ABTB2: variants seen among roughly 807,000 people sequenced by gnomAD.
ABTB2 encodes the protein ankyrin repeat and BTB/POZ domain-containing protein 2.
In ABTB2, 56 loss-of-function variants were observed where a neutral mutation model predicts 104.1. The observed-to-expected ratio is 0.54, with a 90% CI of 0.43 to 0.67. The LOEUF is 0.67. Ranked by LOEUF, ABTB2 falls within the 30% of genes least tolerant of loss-of-function variation. The pLI is 0.00. For synonymous variants in ABTB2, 606 were observed against 608.2 expected (o/e 1.00, Z 0.05); for missense variants, 1,279 against 1,407.7 (o/e 0.91, Z 1.46).
At chr11:34,331,846 G>T (rs1279751828) in intron 1 of ABTB2, among the ~76,000 whole-genome samples, 1 of 152,230 alleles carries the variant, frequency 6.6e-6, no homozygotes, top group Non-Finnish European at 1.5e-5. Flanking sequence ...TAGCAAAAGT[G>T]TTAAGTAGTT....
rs1348955710 is a variant in ABTB2 at position 34,204,562 on chromosome 11, C to T, written c.1012G>A (p.Gly338Ser). Residue 338 changes from glycine (G) to serine (S), a missense_variant, in exon 2 of 17, where the codon GGC becomes AGC. By Grantham distance (56) the Gly-to-Ser change is moderately conservative. Transcript: ENST00000435224. ...CACTTACTCAGCTCCGAGATGCTGC[C>T]CACGCAGGTGGCCAGGAGGGACTGC... ...LEQSLLATCV[G>S]SISELSDLVS... is the part of the protein sequence containing the mutation. 1 of 1,611,882 alleles carries T rather than the reference C, an allele frequency of 6.2e-7. No homozygotes were observed. Among genetic ancestry groups the T allele is most frequent in the African/African-American group, 1.3e-5 (1 of 74,894 alleles).
chr11:34,216,387 T>G (rs1378944568), intron 1 of ABTB2, among the ~76,000 whole-genome samples: 1 of 152,220 alleles, frequency 6.6e-6, no homozygotes, highest in Non-Finnish European at 1.5e-5. Flanking sequence ...AGTTTTGCCT[T>G]TTTAAGAATG....
At chr11:34,305,965 CTTAATA>C (rs1396777750) in intron 1 of ABTB2, among the ~76,000 whole-genome samples, 18 of 152,154 alleles carry the variant, frequency 1.2e-4, no homozygotes, top group African/African-American at 2.7e-4. Context: ...TATATTCACT[CTTAATA>C]TTAAGAGTCA....
chr11:34,272,216 C>T (rs945015969), intron 1 of ABTB2, among the ~76,000 whole-genome samples: 2 of 142,168 alleles, frequency 1.4e-5, no homozygotes, highest in East Asian at 2.1e-4. Flanking sequence ...GCTTGGCATA[C>T]AATAAGAATT....
chr11:34,177,457 G>A (rs1178506782), intron 3 of ABTB2, among the ~76,000 whole-genome samples: 2 of 152,300 alleles, frequency 1.3e-5, no homozygotes, highest in African/African-American at 4.8e-5. Flanking sequence ...TTATCATTAA[G>A]ATATGCTGCA....
intron 1 of ABTB2, among the ~76,000 whole-genome samples, chr11:34,355,206 C>T (rs560762674): frequency 5.3e-5 from 8 of 152,118 alleles, no homozygotes; most frequent in South Asian, 2.1e-4. Context: ...CAACTGTTCT[C>T]GAAAACTGGG....
intron 1 of ABTB2, among the ~76,000 whole-genome samples, chr11:34,238,637 G>T (rs1853875153): frequency 6.6e-6 from 1 of 152,228 alleles, no homozygotes; most frequent in South Asian, 2.1e-4. Context: ...CTTTATAAAT[G>T]ATGAAACTAA....
chr11:34,322,796 C>T (rs529452945), intron 1 of ABTB2, among the ~76,000 whole-genome samples: 1 of 152,098 alleles, frequency 6.6e-6, no homozygotes, highest in Non-Finnish European at 1.5e-5. Context: ...TTCAGCCCCC[C>T]ACCCTCCCAG....
intron 1 of ABTB2, among the ~76,000 whole-genome samples, chr11:34,264,811 CCCTG>C: frequency 6.6e-6 from 1 of 152,284 alleles, no homozygotes; most frequent in East Asian, 1.9e-4. Context: ...TGCCTGCTGG[CCCTG>C]GCCAGACCCC....
intron 1 of ABTB2, among the ~76,000 whole-genome samples, chr11:34,232,526 C>T (rs114650617): frequency 0.011 from 1,730 of 151,856 alleles, 33 homozygotes; most frequent in African/African-American, 0.039. Context: ...AGCACCATCA[C>T]GAGGCCTAAC....
chr11:34,175,152 G>A (rs1195670582), intron 3 of ABTB2, among the ~76,000 whole-genome samples: 1 of 152,216 alleles, frequency 6.6e-6, no homozygotes, highest in Non-Finnish European at 1.5e-5. Flanking sequence ...CCCTATCTCA[G>A]GTCTCCAAAA....
Position 34,172,414 on chromosome 11 carries a change from A to ATG in ABTB2, c.1397+740_1397+741insCA, listed in dbSNP as rs1174064271. Among the ~76,000 whole-genome samples the ATG allele has an allele frequency of 4.0e-3, 269 of 67,236 alleles. 4 individuals are homozygous for ATG. The highest frequency in any genetic ancestry group is 0.013 in the African/African-American group (255 of 19,484). 44.1% of individuals were successfully genotyped at this position (67,236 alleles called of 152,430 possible). A position where few individuals can be genotyped will look rare whatever the true frequency, so the allele number is the denominator to read the frequency against. On this transcript the variant is annotated intron_variant, in intron 4 of 16. Coordinates refer to ENST00000435224, the MANE Select transcript of ABTB2 (RefSeq NM_145804.3). ...AAAAAAAATATATATATATATATAT[A>ATG]TATATGTGTGTGTGTGTGTGTATAT...
At position 34,312,956 on chromosome 11, in the gene ABTB2, C is replaced by A. The variant is rs953411282; in HGVS notation, c.883+43745G>T. ...CAAGTGGCAGAGCTGGGGCCTGAAA[C>A]ACAGGCCTAAATGATTCTAAAATCC... On this transcript the variant is annotated intron_variant, in intron 1 of 16. Transcript: ENST00000435224. Among the ~76,000 whole-genome samples the A allele has an allele frequency of 4.5e-4, 68 of 152,104 alleles. 2 individuals carry two copies. Among genetic ancestry groups the A allele is most frequent in the African/African-American group, 1.5e-3 (62 of 41,474 alleles).
Position 34,162,592 on chromosome 11 carries a change from CATGGTGATG to C in ABTB2, c.2193_2201del (p.Asp731_Met734delinsGlu). The C allele has an allele frequency of 6.2e-7, 1 of 1,613,622 alleles. No individual in the cohort carries two copies. Among genetic ancestry groups the C allele is most frequent in the African/African-American group, 1.3e-5 (1 of 75,062 alleles). On this transcript the variant is annotated inframe_deletion, in exon 10 of 17. Transcript: ENST00000435224. ...AGGCCTCACCCAGTGCCCTCAGCTCCATGGTGATGTCCACGTAGCCGTGCTCAGCGCTGT... is the reference window on the plus strand; with the variant it reads ...AGGCCTCACCCAGTGCCCTCAGCTCCTCCACGTAGCCGTGCTCAGCGCTGT...
intron 1 of ABTB2, among the ~76,000 whole-genome samples, chr11:34,205,642 T>C (rs552343519): frequency 7.0e-4 from 106 of 151,904 alleles, no homozygotes; most frequent in African/African-American, 2.6e-3. Context: ...CCCACAGGAA[T>C]TTAATCACTT....
intron 1 of ABTB2, among the ~76,000 whole-genome samples, chr11:34,254,670 CT>C (rs57784717): frequency 0.024 from 3,047 of 127,624 alleles, 29 homozygotes; most frequent in African/African-American, 0.044. Flanking sequence ...ATATTAGAAA[CT>C]TTTTTTTTTT....
intron 1 of ABTB2, among the ~76,000 whole-genome samples, chr11:34,318,932 T>C (rs1854970333): frequency 6.6e-6 from 1 of 152,220 alleles, no homozygotes; most frequent in African/African-American, 2.4e-5. Context: ...GGAAGGAAGC[T>C]TGCATGCCTT....
At position 34,167,949 on chromosome 11, in the gene ABTB2, G is replaced by A. The variant is rs773899230; in HGVS notation, c.1607C>T (p.Ala536Val). 3.7e-6 allele frequency: 6 copies of A among 1,614,086 alleles called. No homozygotes were observed. The highest frequency in any genetic ancestry group is 4.2e-6 in the Non-Finnish European group (5 of 1,180,050). Reference sequence around the variant, plus strand: ...AGCATCAATCAACATCTGGACCATCGCTTCGTCCCCAGCAGCGCAGGCGTA... The same window carrying A: ...AGCATCAATCAACATCTGGACCATCACTTCGTCCCCAGCAGCGCAGGCGTA... ...LMYACAAGDE[A>V]MVQMLIDAGA... Residue 536 changes from alanine to valine, a missense_variant, in exon 6 of 17, where the codon GCG becomes GTG. Transcript: ENST00000435224.
At chr11:34,167,127 G>T in intron 7 of ABTB2, 132 bp downstream of exon 7, 1 of 791,574 alleles carries the variant, frequency 1.3e-6, no homozygotes, top group Non-Finnish European at 2.0e-6. Flanking sequence ...GATCAGGTGA[G>T]CTGGCCTCAA....
Sources: allele counts gnomAD v4.1 joint callset (sites outside exome capture counted in the v4.1 genomes callset), GRCh38; gene constraint gnomAD v4.1.1; transcripts MANE v1.5; gene names NCBI Gene and HGNC (gene_info 2026-07-23, HGNC 2026-07-21).